Variants in MKNK1 observed in about 807,000 individuals in gnomAD.
The protein encoded by MKNK1 is MAPK interacting serine/threonine kinase 1, also known as MAP kinase-interacting serine/threonine-protein kinase 1.
A neutral mutation model predicts 49.3 loss-of-function variants in MKNK1; 30 were observed. The observed-to-expected ratio is 0.61, with a 90% confidence interval of 0.46 to 0.83. The LOEUF is 0.83. Ranked by LOEUF, MKNK1 falls within the 40% of genes least tolerant of loss-of-function variation. MKNK1 has a pLI of 0.00. For synonymous variants in MKNK1, 176 were observed against 201.7 expected (o/e 0.87, Z 1.08); for missense variants, 423 against 524.7 (o/e 0.81, Z 1.89).
At chr1:46,583,442 T>C in intron 2 of MKNK1, 113 bp from the exon 3 acceptor site, 1 of 705,618 alleles carries the variant, frequency 1.4e-6, no homozygotes, top group Non-Finnish European at 2.3e-6. Flanking sequence ...TTTACACTGA[T>C]GGTTTTTAAA....
intron 7 of MKNK1, chr1:46,569,382 G>T (rs1160977001): frequency 1.3e-5 from 2 of 152,278 alleles, no homozygotes; most frequent in Non-Finnish European, 2.9e-5. Flanking sequence ...AAGGGACAAA[G>T]AACTAACTCT....
chr1:46,600,843 C>T (rs570331167), intron 1 of MKNK1, among the ~76,000 whole-genome samples: 23 of 152,142 alleles, frequency 1.5e-4, no homozygotes, highest in Non-Finnish European at 2.8e-4. Flanking sequence ...GTATTAACAA[C>T]GTAGTAGACT....
intron 4 of MKNK1, among the ~76,000 whole-genome samples, chr1:46,578,129 C>A (rs569962318): frequency 5.0e-4 from 76 of 152,324 alleles, no homozygotes; most frequent in Admixed American, 2.3e-3. Flanking sequence ...AGCAGGCAAG[C>A]CTTCCACAGC....
intron 1 of MKNK1, among the ~76,000 whole-genome samples, chr1:46,597,442 G>C (rs982411637): frequency 6.6e-6 from 1 of 152,128 alleles, no homozygotes; most frequent in Non-Finnish European, 1.5e-5. Flanking sequence ...ATCTCGACCT[G>C]TTACTTCCTT....
rs543851825 is a variant in MKNK1, at chr1:46,568,819, C to G, written c.458-321G>C. Reference sequence around the variant, plus strand: ...CTAATGCAGAGCAGAGCAGAGAGCTCTGCAAACGGCAATGCTTGGAACAGC... The same window carrying G: ...CTAATGCAGAGCAGAGCAGAGAGCTGTGCAAACGGCAATGCTTGGAACAGC... On this transcript the variant is annotated intron_variant, in intron 7 of 12. Transcript: ENST00000371945. The G allele has an allele frequency of 1.1e-4, 33 of 295,158 alleles. No homozygotes were observed. In the South Asian group the frequency reaches 1.5e-3, roughly 14 times the overall value. The allele number at this position is 295,158 out of a possible 1,614,324, so 18.3% of individuals were successfully genotyped here.
intron 9 of MKNK1, among the ~76,000 whole-genome samples, chr1:46,564,323 C>T (rs1668616783): frequency 6.6e-6 from 1 of 151,968 alleles, no homozygotes; most frequent in Non-Finnish European, 1.5e-5. Context: ...TCCCCCATTA[C>T]AAGGGGGCTG....
chr1:46,584,236 T>C (rs1672171254), intron 2 of MKNK1, among the ~76,000 whole-genome samples: 1 of 152,220 alleles, frequency 6.6e-6, no homozygotes, highest in East Asian at 1.9e-4. Context: ...GACACTCTAG[T>C]ATGGGCCTTT....
chr1:46,558,692 T>A lies in MKNK1; in HGVS notation c.1122A>T (p.Leu374=), dbSNP rs1667385111. 6.2e-7 allele frequency: 1 copy of A among 1,614,208 alleles called. No individual in the cohort carries two copies. The highest frequency in any genetic ancestry group is 8.5e-7 in the Non-Finnish European group (1 of 1,180,022). The part of the protein sequence containing the change: ...ENELAEEPEA[L]ADGLCSMKLS... ...GCTTCATGGAGCAGAGGCCATCAGC[T>A]AGTGCCTCTGGCTCCTCTGCTAGTT... Residue 374 remains leucine (L), a synonymous_variant, in exon 13 of 13, where the codon CTA becomes CTT. Transcript: ENST00000371945.
At chr1:46,582,545 A>G (rs574691773) in intron 3 of MKNK1, among the ~76,000 whole-genome samples, 1 of 152,242 alleles carries the variant, frequency 6.6e-6, no homozygotes, top group Non-Finnish European at 1.5e-5. Context: ...CCTCACAACG[A>G]AAGAAAACAA....
intron 8 of MKNK1, among the ~76,000 whole-genome samples, chr1:46,566,200 C>T (rs1282385639): frequency 6.6e-6 from 1 of 152,166 alleles, no homozygotes; most frequent in East Asian, 1.9e-4. Flanking sequence ...GACTTTCTGT[C>T]TTTATTAATT....
chr1:46,571,852 G>A (rs1029117512), intron 7 of MKNK1, among the ~76,000 whole-genome samples: 2 of 152,178 alleles, frequency 1.3e-5, no homozygotes, highest in Non-Finnish European at 2.9e-5. Context: ...CTGCTCAACA[G>A]CTTCACCACC....
intron 1 of MKNK1, among the ~76,000 whole-genome samples, chr1:46,595,480 C>T (rs1287893113): frequency 1.3e-5 from 2 of 152,078 alleles, no homozygotes; most frequent in East Asian, 1.9e-4. Context: ...GCCAGTTATT[C>T]CTCAAAGGCA....
At chr1:46,567,209 T>C (rs1009534260) in intron 8 of MKNK1, among the ~76,000 whole-genome samples, 5 of 152,188 alleles carry the variant, frequency 3.3e-5, no homozygotes, top group Admixed American at 1.3e-4. Context: ...TCCCGAAGTG[T>C]TGGGATTATA....
chr1:46,567,512 AATG>A (rs1436519837), intron 8 of MKNK1, among the ~76,000 whole-genome samples: 2 of 152,250 alleles, frequency 1.3e-5, no homozygotes, highest in Admixed American at 6.5e-5. Context: ...TCATCATAAT[AATG>A]ATAAATTATA....
Position 46,564,466 on chromosome 1 carries a change from G to GTTTTTTTTTTTTTT in MKNK1, c.609+561_609+574dup, listed in dbSNP as rs568296534. Among the ~76,000 whole-genome samples the GTTTTTTTTTTTTTT allele has an allele frequency of 6.6e-4, 46 of 70,168 alleles. 7 individuals are homozygous for GTTTTTTTTTTTTTT. The highest frequency in any genetic ancestry group is 2.3e-3 in the African/African-American group (33 of 14,666). 46.0% of individuals were successfully genotyped at this position (70,168 alleles called of 152,430 possible). On this transcript the variant is annotated intron_variant, in intron 9 of 12. Coordinates refer to ENST00000371945, the MANE Select transcript of MKNK1 (RefSeq NM_001135553.4). ...GGGCTCAGCCTGTGTTTTTTTTATT[G>GTTTTTTTTTTTTTT]TTTTTTTTTTTTTTTTTTTTTTTTT...
Position 46,568,265 on chromosome 1 carries a change from A to C in MKNK1, c.513+178T>G, listed in dbSNP as rs374302379. 4.9e-6 allele frequency: 3 copies of C among 617,680 alleles called. No homozygotes were observed. The East Asian group carries it at 8.5e-5, about 17-fold the overall frequency. 38.3% of individuals were successfully genotyped at this position (617,680 alleles called of 1,614,324 possible). Reference sequence around the variant, plus strand: ...CAATCACACTGATGATCAAGAGCGAAGAAAGGACGAGGATGGGCAGAAACA... The same window carrying C: ...CAATCACACTGATGATCAAGAGCGACGAAAGGACGAGGATGGGCAGAAACA... On this transcript the variant is annotated intron_variant, in intron 8 of 12. Transcript: ENST00000371945.
At chr1:46,591,745 A>G (rs1471814708) in intron 2 of MKNK1, among the ~76,000 whole-genome samples, 1 of 152,156 alleles carries the variant, frequency 6.6e-6, no homozygotes. Context: ...GGCTAGTTTC[A>G]CTTGCCATTC....
intron 12 of MKNK1, 118 bp from the exon 13 acceptor site, chr1:46,558,918 C>T (rs2148523608): frequency 1.2e-6 from 1 of 808,398 alleles, no homozygotes; most frequent in Non-Finnish European, 1.9e-6. Context: ...TTTCCCAGAG[C>T]TGGGACGGGC....
At chr1:46,572,282 C>T (rs1431152575) in intron 6 of MKNK1, 115 bp from the exon 7 acceptor site, 10 of 767,142 alleles carry the variant, frequency 1.3e-5, no homozygotes, top group Admixed American at 2.4e-5. Flanking sequence ...GGCACGATCT[C>T]GGCTCACTGC....
Sources: gnomAD v4.1 joint callset for allele counts (sites outside exome capture counted in the v4.1 genomes callset) on GRCh38, gnomAD v4.1.1 for gene constraint, MANE v1.5 for transcripts, NCBI Gene and HGNC (gene_info 2026-07-23, HGNC 2026-07-21) for gene names.